ST8SIA5: variants seen among roughly 807,000 people sequenced by gnomAD.
ST8SIA5 encodes the protein ST8 alpha-N-acetyl-neuraminide alpha-2,8-sialyltransferase 5, also known as alpha-2,8-sialyltransferase 8E.
A neutral mutation model predicts 40.2 loss-of-function variants in ST8SIA5; 24 were observed. The observed-to-expected ratio is 0.60, with a 90% CI of 0.43 to 0.84. The LOEUF (loss-of-function observed/expected upper bound fraction) is 0.84, where lower values mean the gene tolerates loss of function less well. Ranked by LOEUF, ST8SIA5 falls within the 40% of genes least tolerant of loss-of-function variation. The pLI is 0.00. For synonymous variants in ST8SIA5, 198 were observed against 201.8 expected (o/e 0.98, Z 0.16); for missense variants, 465 against 498.5 (o/e 0.93, Z 0.64).
chr18:46,705,178 A>G (rs2039658145), intron 1 of ST8SIA5, among the ~76,000 whole-genome samples: 1 of 152,110 alleles, frequency 6.6e-6, no homozygotes, highest in Non-Finnish European at 1.5e-5. Flanking sequence ...TTGGCAGCTG[A>G]CAATACTGAG....
At chr18:46,736,951 G>A (rs2040040507) in intron 1 of ST8SIA5, among the ~76,000 whole-genome samples, 1 of 152,110 alleles carries the variant, frequency 6.6e-6, no homozygotes, top group Non-Finnish European at 1.5e-5. Flanking sequence ...CCTGGAAGGA[G>A]CCAGCAAAGC....
chr18:46,740,213 C>T (rs568414328), intron 1 of ST8SIA5, among the ~76,000 whole-genome samples: 2 of 152,262 alleles, frequency 1.3e-5, no homozygotes, highest in South Asian at 4.2e-4. Flanking sequence ...GTAGTAGATG[C>T]ATTCGTCAGC....
chr18:46,742,029 G>A (rs1372726365), intron 1 of ST8SIA5, among the ~76,000 whole-genome samples: 1 of 151,946 alleles, frequency 6.6e-6, no homozygotes, highest in South Asian at 2.1e-4. Context: ...TTGAACCCAG[G>A]AGGTGGAGGT....
In ST8SIA5 at chr18:46,756,537, G is replaced by C. The variant is rs753501027; in HGVS notation, c.-29C>G. 5 of 1,609,654 alleles carry C rather than the reference G, an allele frequency of 3.1e-6. No homozygotes were observed. Among genetic ancestry groups the C allele is most frequent in the Non-Finnish European group, 3.4e-6 (4 of 1,177,694 alleles). On this transcript the variant is annotated 5_prime_UTR_variant, in exon 1 of 7. Coordinates refer to ENST00000315087, the MANE Select transcript of ST8SIA5 (RefSeq NM_013305.6). ...GGCTACCGGGCGCCGCGGGCGCGGG[G>C]TACGGGGCGGCCAGGCAATGACTCG...
chr18:46,732,109 T>C (rs1171034272), intron 1 of ST8SIA5, among the ~76,000 whole-genome samples: 3 of 152,184 alleles, frequency 2.0e-5, no homozygotes, highest in Non-Finnish European at 4.4e-5. Flanking sequence ...TTCTTAAAGG[T>C]TGCCAATGAA....
At chr18:46,709,874 C>T (rs1198557551) in intron 1 of ST8SIA5, among the ~76,000 whole-genome samples, 1 of 152,134 alleles carries the variant, frequency 6.6e-6, no homozygotes, top group East Asian at 1.9e-4. Context: ...TTGGAAATCA[C>T]TAATAAATTC....
chr18:46,739,047 GA>G (rs1599147955), intron 1 of ST8SIA5, among the ~76,000 whole-genome samples: 1 of 152,326 alleles, frequency 6.6e-6, no homozygotes, highest in East Asian at 1.9e-4. Context: ...CAATCACATA[GA>G]AAAGCAATGG....
intron 1 of ST8SIA5, among the ~76,000 whole-genome samples, chr18:46,731,152 T>C (rs555358656): frequency 6.6e-6 from 1 of 152,236 alleles, no homozygotes; most frequent in African/African-American, 2.4e-5. Flanking sequence ...AAGGGGGAGA[T>C]TTCTTTCTGT....
At chr18:46,744,353 T>C (rs1431616968) in intron 1 of ST8SIA5, among the ~76,000 whole-genome samples, 1 of 152,054 alleles carries the variant, frequency 6.6e-6, no homozygotes, top group Non-Finnish European at 1.5e-5. Context: ...AGGCTCAAAA[T>C]AAAGGGATGG....
rs372532852 is a variant in ST8SIA5, at chr18:46,696,503, G to A, written c.225-4248C>T. ...TCATCACACCCTGGACCAAGGTCAG[G>A]GCCTGGGACACCCAGCCTTGAATCC... On this transcript the variant is annotated intron_variant, in intron 2 of 6. Coordinates refer to ENST00000315087, the MANE Select transcript of ST8SIA5 (RefSeq NM_013305.6). 5.9e-4 allele frequency among the ~76,000 whole-genome samples: 90 copies of A among 152,252 alleles called. No homozygotes were observed. The South Asian group carries it at 0.01, about 17-fold the overall frequency.
intron 1 of ST8SIA5, among the ~76,000 whole-genome samples, chr18:46,724,269 C>G (rs1284330019): frequency 6.6e-6 from 1 of 152,250 alleles, no homozygotes; most frequent in East Asian, 1.9e-4. Context: ...TGAGGAGGCC[C>G]CTTGGGGCCC....
chr18:46,698,011 C>A (rs1278148142), intron 2 of ST8SIA5, among the ~76,000 whole-genome samples: 1 of 152,172 alleles, frequency 6.6e-6, no homozygotes, highest in African/African-American at 2.4e-5. Context: ...ATGATTTTCA[C>A]CTAAAATACC....
chr18:46,690,130 C>T (rs1190546321), intron 3 of ST8SIA5, among the ~76,000 whole-genome samples: 3 of 152,206 alleles, frequency 2.0e-5, no homozygotes, highest in Admixed American at 2.0e-4. Context: ...CACTGGAGAT[C>T]ACTCCTATTG....
At chr18:46,719,214 A>T (rs145048381) in intron 1 of ST8SIA5, among the ~76,000 whole-genome samples, 26 of 152,346 alleles carry the variant, frequency 1.7e-4, no homozygotes, top group African/African-American at 6.3e-4. Context: ...ACAATGTTGC[A>T]TCAAAGGCAC....
Position 46,681,998 on chromosome 18 carries a change from A to G in ST8SIA5, c.636T>C (p.Thr212=), listed in dbSNP as rs1292821143. ...MDVGVKTDVV[T]VNPSIITERF... ...TCTCTGTGATGATGCTGGGGTTCAC[A>G]GTGACCACATCCGTCTTCACCCCCA... Residue 212 remains threonine, a synonymous_variant, in exon 6 of 7, where the codon ACT becomes ACC. Coordinates refer to ENST00000315087, the MANE Select transcript of ST8SIA5 (RefSeq NM_013305.6). 1 of 1,614,088 alleles carries G rather than the reference A, an allele frequency of 6.2e-7. No individual in the cohort carries two copies. Among genetic ancestry groups the G allele is most frequent in the Non-Finnish European group, 8.5e-7 (1 of 1,180,000 alleles).
chr18:46,690,154 C>CA (rs2039490484), intron 3 of ST8SIA5, among the ~76,000 whole-genome samples: 2 of 152,210 alleles, frequency 1.3e-5, no homozygotes, highest in African/African-American at 2.4e-5. Context: ...GATACTGACT[C>CA]ACACTAACCA....
intron 1 of ST8SIA5, among the ~76,000 whole-genome samples, chr18:46,738,799 G>A (rs1599147765): frequency 6.6e-6 from 1 of 152,228 alleles, no homozygotes; most frequent in East Asian, 1.9e-4. Context: ...GGGAGAGTTG[G>A]CTCAGTGATG....
At position 46,714,228 on chromosome 18, in the gene ST8SIA5, G is replaced by T. The variant is rs1377619783; in HGVS notation, c.132-9564C>A. ...GATGCCGGGCTATAAATGGAGACAT[G>T]CAGTGGAAAACTGGAAGAGCCTCCA... is the stretch of plus-strand genomic sequence containing the variant. On this transcript the variant is annotated intron_variant, in intron 1 of 6. Coordinates refer to ENST00000315087, the MANE Select transcript of ST8SIA5 (RefSeq NM_013305.6). Among the ~76,000 whole-genome samples the T allele has an allele frequency of 1.3e-5, 2 of 152,130 alleles. 1 individual carries two copies. Among genetic ancestry groups the T allele is most frequent in the South Asian group, 4.2e-4 (2 of 4,818 alleles).
intron 3 of ST8SIA5, among the ~76,000 whole-genome samples, chr18:46,689,210 C>T (rs1051436473): frequency 2.6e-5 from 4 of 152,200 alleles, no homozygotes; most frequent in African/African-American, 9.6e-5. Flanking sequence ...CTCCCAAGGC[C>T]CCTGCCTTCT....
Sources: allele counts gnomAD v4.1 joint callset (sites outside exome capture counted in the v4.1 genomes callset), GRCh38; gene constraint gnomAD v4.1.1; transcripts MANE v1.5; gene names NCBI Gene and HGNC (gene_info 2026-07-23, HGNC 2026-07-21).